GALNT9: variants seen among roughly 807,000 people sequenced by gnomAD.
GALNT9 encodes polypeptide N-acetylgalactosaminyltransferase 9.
GALNT9 carries 47 observed loss-of-function variants against 63.1 expected under a neutral mutation model. The observed-to-expected ratio is 0.75, with a 90% CI of 0.59 to 0.95. The LOEUF (loss-of-function observed/expected upper bound fraction) is 0.95, where lower values mean the gene tolerates loss of function less well. Ranked by LOEUF, GALNT9 falls within the 40% of genes least tolerant of loss-of-function variation. The pLI is 0.00. For missense variants in GALNT9, 829 were observed against 874.8 expected, an observed-to-expected ratio of 0.95 and a Z score of 0.66; for synonymous variants, 396 against 365.7, an observed-to-expected ratio of 1.08 and a Z score of -0.94.
intron 2 of GALNT9, among the ~76,000 whole-genome samples, chr12:132,269,764 C>G (rs559674531): frequency 1.1e-4 from 17 of 152,220 alleles, no homozygotes; most frequent in Non-Finnish European, 2.2e-4. Flanking sequence ...TGGGGTGGCA[C>G]GTGGCGCCTG....
rs1463272093 is a variant in GALNT9 at position 132,262,440 on chromosome 12, C to T, written c.586+19G>A. ...GGCAGCCGCCCGGCGAGCACCGTGC[C>T]GAGGCCCCGCCCACTCACCGTTGTC... On this transcript the variant is annotated intron_variant, in intron 3 of 10. Transcript: ENST00000328957. 2.0e-5 allele frequency: 31 copies of T among 1,542,942 alleles called. No individual in the cohort carries two copies. Among genetic ancestry groups the T allele is most frequent in the East Asian group, 9.8e-5 (4 of 40,816 alleles).
intron 1 of GALNT9, among the ~76,000 whole-genome samples, chr12:132,318,522 AC>A (rs375389242): frequency 1.2e-4 from 18 of 152,228 alleles, no homozygotes; most frequent in African/African-American, 4.3e-4. Context: ...TCAGGGCCTC[AC>A]AGGCAGCATC....
chr12:132,276,526 A>G (rs1555241209), intron 2 of GALNT9: 1 of 154,838 alleles, frequency 6.5e-6, no homozygotes, highest in Non-Finnish European at 1.5e-5. Context: ...TCAAAGTGCC[A>G]TCCGGTAAAT....
intron 1 of GALNT9, among the ~76,000 whole-genome samples, chr12:132,298,471 C>CCT: frequency 1.3e-5 from 2 of 151,442 alleles, no homozygotes; most frequent in African/African-American, 2.4e-5. Flanking sequence ...CTAACCCACC[C>CCT]GAGATAACCA....
intron 6 of GALNT9, among the ~76,000 whole-genome samples, chr12:132,221,337 G>C (rs371614977): frequency 1.2e-5 from 1 of 86,324 alleles, no homozygotes; most frequent in Non-Finnish European, 2.1e-5. Flanking sequence ...TGGCGACAGA[G>C]TGAGATTGTG....
Position 132,196,915 on chromosome 12 carries a change from A to G in GALNT9, c.*192T>C. The G allele has an allele frequency of 7.0e-7, 1 of 1,422,790 alleles. No individual in the cohort carries two copies. The highest frequency in any genetic ancestry group is 9.2e-7 in the Non-Finnish European group (1 of 1,091,296). 88.1% of individuals were successfully genotyped at this position (1,422,790 alleles called of 1,614,324 possible). On this transcript the variant is annotated 3_prime_UTR_variant, in exon 11 of 11. Coordinates refer to ENST00000328957, the MANE Select transcript of GALNT9 (RefSeq NM_001122636.2). ...CTCGGGTAGAGCCGCCTGTCCTAGG[A>G]GAAGCTGTACTCCAGATGCAGTGGG...
chr12:132,231,021 C>T (rs1320797521), intron 6 of GALNT9, among the ~76,000 whole-genome samples: 2 of 144,400 alleles, frequency 1.4e-5, no homozygotes, highest in East Asian at 2.0e-4. Context: ...TCCCTAGTGC[C>T]ACACACTCGA....
At chr12:132,322,622 C>T (rs1031215518) in intron 1 of GALNT9, among the ~76,000 whole-genome samples, 1 of 152,186 alleles carries the variant, frequency 6.6e-6, no homozygotes, top group African/African-American at 2.4e-5. Flanking sequence ...CCCCCTCCTA[C>T]TTCCAGAACG....
At chr12:132,227,838 C>A (rs1877754360) in intron 6 of GALNT9, among the ~76,000 whole-genome samples, 1 of 152,040 alleles carries the variant, frequency 6.6e-6, no homozygotes, top group Non-Finnish European at 1.5e-5. Context: ...TCTGAAGACC[C>A]CTCGTGCTCA....
Position 132,306,314 on chromosome 12 carries a change from T to A in GALNT9, c.239-19884A>T, listed in dbSNP as rs1407458065. On this transcript the variant is annotated intron_variant, in intron 1 of 10. Coordinates refer to ENST00000328957, the MANE Select transcript of GALNT9 (RefSeq NM_001122636.2). The stretch of plus-strand genomic sequence containing the variant: ...ACGGTCTAAACCATCCCCAGGTGAC[T>A]CTCAAGCGCAGAGCAATGGGAGCTG... Among the ~76,000 whole-genome samples the A allele has an allele frequency of 1.8e-4, 28 of 152,200 alleles. 1 individual carries two copies. The highest frequency in any genetic ancestry group is 3.1e-4 in the Non-Finnish European group (21 of 68,030).
rs79525826 is a variant in GALNT9 at position 132,250,355 on chromosome 12, G to A, written c.960-2328C>T. On this transcript the variant is annotated intron_variant, in intron 5 of 10. Transcript: ENST00000328957. ...GGGAGGGAGGACAATGCTTTGGAACGAGACGGAGGTGGCAGCTGCACGACA... is the reference window on the plus strand; with the variant it reads ...GGGAGGGAGGACAATGCTTTGGAACAAGACGGAGGTGGCAGCTGCACGACA... 5.6e-3 allele frequency among the ~76,000 whole-genome samples: 854 copies of A among 152,352 alleles called. 8 individuals carry two copies. Among genetic ancestry groups the A allele is most frequent in the Middle Eastern group, 0.01 (3 of 294 alleles).
rs1418075188 is a variant in GALNT9 at position 132,316,142 on chromosome 12, C to T, written c.238+12824G>A. 2.0e-5 allele frequency among the ~76,000 whole-genome samples: 3 copies of T among 152,132 alleles called. No homozygotes were observed. Among genetic ancestry groups the T allele is most frequent in the African/African-American group, 7.2e-5 (3 of 41,428 alleles). ...GAGGCAGGCAGAGGCAGGAGCTGGC[C>T]GCGGGCTGGGAGGCGACCCCACAGA... is the stretch of plus-strand genomic sequence containing the variant. On this transcript the variant is annotated intron_variant, in intron 1 of 10. Coordinates refer to ENST00000328957, the MANE Select transcript of GALNT9 (RefSeq NM_001122636.2). This position sits in a 1 kb window ranked among gnomAD's most constrained non-coding sequence, Gnocchi z 4.3.
At position 132,264,548 on chromosome 12, in the gene GALNT9, G is replaced by A. The variant is rs553103263; in HGVS notation, c.420-1923C>T. 1.5e-3 allele frequency among the ~76,000 whole-genome samples: 225 copies of A among 152,358 alleles called. 1 individual carries two copies. Among genetic ancestry groups the A allele is most frequent in the African/African-American group, 5.2e-3 (217 of 41,598 alleles). ...AGTTTAATCTCAGGAAGGCCTGTCCGCATGGCCGGAGGCCGTGTCCGCGTG... is the reference window on the plus strand; with the variant it reads ...AGTTTAATCTCAGGAAGGCCTGTCCACATGGCCGGAGGCCGTGTCCGCGTG... On this transcript the variant is annotated intron_variant, in intron 2 of 10. Coordinates refer to ENST00000328957, the MANE Select transcript of GALNT9 (RefSeq NM_001122636.2).
intron 1 of GALNT9, among the ~76,000 whole-genome samples, chr12:132,292,115 GTCCCTGCCTCATTTTCC>G (rs113607520): frequency 0.19 from 29,617 of 151,904 alleles, 3,059 homozygotes; most frequent in Middle Eastern, 0.32. Context: ...CGGCACCTCA[GTCCCTGCCTCATTTTCC>G]TCCCTGCCTC....
rs183919031 is a variant in GALNT9, at chr12:132,305,031, A to G, written c.239-18601T>C. ...TCCTCACCGGGGCACACCCTCACCC[A>G]GACACACCCTCACCCGGGCACAGAA... On this transcript the variant is annotated intron_variant, in intron 1 of 10. Transcript: ENST00000328957. 5.6e-3 allele frequency among the ~76,000 whole-genome samples: 97 copies of G among 17,352 alleles called. No individual in the cohort carries two copies. The East Asian group carries it at 0.14, about 26-fold the overall frequency. 11.4% of individuals were successfully genotyped at this position (17,352 alleles called of 152,430 possible).
chr12:132,276,720 A>G (rs541358345), intron 2 of GALNT9, among the ~76,000 whole-genome samples: 7 of 152,302 alleles, frequency 4.6e-5, no homozygotes, highest in African/African-American at 1.7e-4. Context: ...TCATTATCCC[A>G]TGGGCCAGTC....
At chr12:132,292,070 C>T (rs1880881341) in intron 1 of GALNT9, among the ~76,000 whole-genome samples, 2 of 152,190 alleles carry the variant, frequency 1.3e-5, no homozygotes, top group South Asian at 4.1e-4. Context: ...ACCCTGGAGA[C>T]CTCCCAGGTT....
intron 6 of GALNT9, chr12:132,240,664 C>T (rs1466957065): frequency 6.8e-6 from 3 of 438,134 alleles, no homozygotes; most frequent in Admixed American, 2.5e-5. Flanking sequence ...CACTCTCTGC[C>T]GTGTTTTTCT....
intron 2 of GALNT9, chr12:132,276,291 G>T (rs1362296114): frequency 1.3e-5 from 2 of 154,856 alleles, no homozygotes; most frequent in African/African-American, 4.8e-5. Context: ...TGTCAGCTGG[G>T]GAACCGGCCG....
Sources: gnomAD v4.1 joint callset for allele counts (sites outside exome capture counted in the v4.1 genomes callset) on GRCh38, gnomAD v4.1.1 for gene constraint, Gnocchi (gnomAD v3.1) non-coding constraint, MANE v1.5 for transcripts, NCBI Gene and HGNC (gene_info 2026-07-23, HGNC 2026-07-21) for gene names.